The following MFSD6 variants were observed in gnomAD, a reference collection of about 807,000 sequenced individuals.
The protein encoded by MFSD6 is major facilitator superfamily domain containing 6.
In MFSD6, 26 loss-of-function variants were observed where a neutral mutation model predicts 56.3. That is an observed-to-expected ratio of 0.46 (90% CI 0.34 to 0.64). The LOEUF (loss-of-function observed/expected upper bound fraction) is 0.64. MFSD6 is among the 30% of genes least tolerant of loss of function. MFSD6 has a pLI of 0.01. For missense variants in MFSD6, 750 were observed against 986.2 expected (o/e 0.76, Z 3.21); for synonymous variants, 331 against 366.9 (o/e 0.90, Z 1.12).
At chr2:190,448,247 C>CT (rs1436459934) in intron 3 of MFSD6, among the ~76,000 whole-genome samples, 1 of 152,210 alleles carries the variant, frequency 6.6e-6, no homozygotes, top group East Asian at 1.9e-4. Context: ...ACCAATTTAG[C>CT]ACTCTATGCT....
rs1686096191 is a variant in MFSD6 at position 190,434,177 on chromosome 2, T to C, written c.-53-1800T>C. Reference sequence around the variant, plus strand: ...GCCTGGGTGACAGAGTAAGACCCTGTCTCTCAAAAAAAAAAAAAGAAAAAA... The same window carrying C: ...GCCTGGGTGACAGAGTAAGACCCTGCCTCTCAAAAAAAAAAAAAGAAAAAA... On this transcript the variant is annotated intron_variant, in intron 2 of 7. Coordinates refer to ENST00000392328, the MANE Select transcript of MFSD6 (RefSeq NM_017694.4). This position sits in a 1 kb window ranked among gnomAD's most constrained non-coding sequence, Gnocchi z 4.3. 9.2e-6 allele frequency among the ~76,000 whole-genome samples: 1 copy of C among 108,542 alleles called. No homozygotes were observed. The highest frequency in any genetic ancestry group is 1.1e-4 in the Admixed American group (1 of 9,288). The allele number at this position is 108,542 out of a possible 152,430, so 71.2% of individuals were successfully genotyped here.
In MFSD6 at chr2:190,438,239, G is replaced by A. The variant is rs1404898087; in HGVS notation, c.1532+678G>A. Among the ~76,000 whole-genome samples, 15 of 152,036 alleles carry A rather than the reference G, an allele frequency of 9.9e-5. No homozygotes were observed. The highest frequency in any genetic ancestry group is 8.5e-4 in the Admixed American group (13 of 15,260). On this transcript the variant is annotated intron_variant, in intron 3 of 7. Transcript: ENST00000392328. The surrounding 1 kb of genome is among the most constrained non-coding windows in gnomAD (Gnocchi z 5.2). Reference sequence around the variant, plus strand: ...ATAAAAAAAAAAATCTATAGGCTGGGCACAGTGGCTCACACCTGCTAATCC... The same window carrying A: ...ATAAAAAAAAAAATCTATAGGCTGGACACAGTGGCTCACACCTGCTAATCC...
upstream of MFSD6, among the ~76,000 whole-genome samples, chr2:190,407,697 C>A (rs1208399936): frequency 1.3e-5 from 2 of 152,130 alleles, no homozygotes; most frequent in African/African-American, 4.8e-5. This position sits in a 1 kb window ranked among gnomAD's most constrained non-coding sequence, Gnocchi z 5.4. Context: ...CAGCAAGATG[C>A]CAGTAGCAGC....
intron 3 of MFSD6, among the ~76,000 whole-genome samples, chr2:190,442,088 A>G (rs1686401492): frequency 6.6e-6 from 1 of 152,202 alleles, no homozygotes; most frequent in African/African-American, 2.4e-5. Context: ...CTTTTTCCCC[A>G]TTCTGATTCC....
At chr2:190,420,007 T>C (rs142583819) in intron 2 of MFSD6, among the ~76,000 whole-genome samples, 1 of 152,356 alleles carries the variant, frequency 6.6e-6, no homozygotes, top group Admixed American at 6.5e-5. Context: ...GAAAAGATCA[T>C]AAAGTTAATT....
chr2:190,474,280 G>C (rs1427440383), intron 4 of MFSD6, among the ~76,000 whole-genome samples: 2 of 152,066 alleles, frequency 1.3e-5, no homozygotes, highest in Non-Finnish European at 2.9e-5. Context: ...TCCAGGAGCT[G>C]GTTTTTTGAA....
At chr2:190,478,167 G>A (rs759793867) in intron 4 of MFSD6, among the ~76,000 whole-genome samples, 3 of 152,158 alleles carry the variant, frequency 2.0e-5, no homozygotes, top group Admixed American at 1.3e-4. Flanking sequence ...CCTAGGGCAG[G>A]CTACGATACA....
chr2:190,432,276 C>T (rs1379517728), intron 2 of MFSD6, among the ~76,000 whole-genome samples: 1 of 152,220 alleles, frequency 6.6e-6, no homozygotes, highest in South Asian at 2.1e-4. Context: ...CTCTGGGAAC[C>T]TCCTGAAGAA....
rs1371156266 is a variant in MFSD6, at chr2:190,456,270, C to T, written c.1533-13488C>T. On this transcript the variant is annotated intron_variant, in intron 3 of 7. Coordinates refer to ENST00000392328, the MANE Select transcript of MFSD6 (RefSeq NM_017694.4). This position sits in a 1 kb window ranked among gnomAD's most constrained non-coding sequence, Gnocchi z 5.4. ...CTACTTTTTTCCTTACTTGAAAAAT[C>T]CATGACTTAAATTTCACTTCAGACA... 6.6e-6 allele frequency among the ~76,000 whole-genome samples: 1 copy of T among 152,046 alleles called. No individual in the cohort carries two copies. The highest frequency in any genetic ancestry group is 1.9e-4 in the East Asian group (1 of 5,186).
At chr2:190,430,404 A>C (rs1685931139) in intron 2 of MFSD6, among the ~76,000 whole-genome samples, 1 of 150,048 alleles carries the variant, frequency 6.7e-6, no homozygotes, top group African/African-American at 2.5e-5. Flanking sequence ...AGTGGTGATG[A>C]CTCTTAAGGA....
rs1689434227 is a variant in MFSD6, at chr2:190,492,804, C to T, written c.1891+2938C>T. Among the ~76,000 whole-genome samples the T allele has an allele frequency of 6.6e-6, 1 of 152,000 alleles. No individual in the cohort carries two copies. The highest frequency in any genetic ancestry group is 1.5e-5 in the Non-Finnish European group (1 of 67,976). The stretch of plus-strand genomic sequence containing the variant: ...TCCAAGAACTACCAAGCCAGCACTC[C>T]AAGAACTACCAAGCCAGAACTACAA... On this transcript the variant is annotated intron_variant, in intron 6 of 7. Coordinates refer to ENST00000392328, the MANE Select transcript of MFSD6 (RefSeq NM_017694.4). The surrounding 1 kb of genome is among the most constrained non-coding windows in gnomAD (Gnocchi z 5.2).
chr2:190,448,291 A>C (rs1270795894), intron 3 of MFSD6, among the ~76,000 whole-genome samples: 1 of 152,176 alleles, frequency 6.6e-6, no homozygotes, highest in Non-Finnish European at 1.5e-5. Context: ...ATGGCCTAAA[A>C]ATTACATTTT....
At position 190,439,778 on chromosome 2, in the gene MFSD6, T is replaced by C. The variant is rs532931064; in HGVS notation, c.1532+2217T>C. On this transcript the variant is annotated intron_variant, in intron 3 of 7. Transcript: ENST00000392328. This position sits in a 1 kb window ranked among gnomAD's most constrained non-coding sequence, Gnocchi z 5.8. ...GGAATTCCATCAGTATGTGGTCATT[T>C]ACCTGTTTTGAATTTTCATTCTGTC... is the stretch of plus-strand genomic sequence containing the variant. 2.0e-5 allele frequency among the ~76,000 whole-genome samples: 3 copies of C among 152,260 alleles called. No individual in the cohort carries two copies. Among genetic ancestry groups the C allele is most frequent in the African/African-American group, 7.2e-5 (3 of 41,470 alleles).
Position 190,462,104 on chromosome 2 carries a change from C to T in MFSD6, c.1533-7654C>T, listed in dbSNP as rs568335860. Reference sequence around the variant, plus strand: ...GCAGATTTCCAGGATAATCATTGTTCGTGATTTGCTGTCTGTCTCCTTCTT... The same window carrying T: ...GCAGATTTCCAGGATAATCATTGTTTGTGATTTGCTGTCTGTCTCCTTCTT... On this transcript the variant is annotated intron_variant, in intron 3 of 7. Coordinates refer to ENST00000392328, the MANE Select transcript of MFSD6 (RefSeq NM_017694.4). The surrounding 1 kb of genome is among the most constrained non-coding windows in gnomAD (Gnocchi z 5.7). 2.0e-5 allele frequency among the ~76,000 whole-genome samples: 3 copies of T among 152,046 alleles called. No homozygotes were observed. The highest frequency in any genetic ancestry group is 6.5e-5 in the Admixed American group (1 of 15,274).
In MFSD6 at chr2:190,467,974, T is replaced by C. The variant is rs1687694475; in HGVS notation, c.1533-1784T>C. Among the ~76,000 whole-genome samples the C allele has an allele frequency of 6.6e-6, 1 of 152,176 alleles. No individual in the cohort carries two copies. The highest frequency in any genetic ancestry group is 1.5e-5 in the Non-Finnish European group (1 of 68,032). ...TAATGTGTGGTCCTTTATAGAAAAG[T>C]GTTTGCTGACCCCTGAGTTAGGGTA... On this transcript the variant is annotated intron_variant, in intron 3 of 7. Transcript: ENST00000392328. This position sits in a 1 kb window ranked among gnomAD's most constrained non-coding sequence, Gnocchi z 5.5.
At chr2:190,470,251 ATTATT>A (rs1189556251) in intron 4 of MFSD6, among the ~76,000 whole-genome samples, 1 of 152,212 alleles carries the variant, frequency 6.6e-6, no homozygotes, top group Non-Finnish European at 1.5e-5. Context: ...TGTTGTCATA[ATTATT>A]TTATCTCTTC....
intron 3 of MFSD6, among the ~76,000 whole-genome samples, chr2:190,452,463 T>C (rs925738828): frequency 5.3e-5 from 8 of 152,222 alleles, no homozygotes; most frequent in African/African-American, 1.9e-4. Flanking sequence ...TAGGCATTGT[T>C]ATGTCCATTT....
rs997329680 is a variant in MFSD6 at position 190,497,299 on chromosome 2, T to C, written c.1892-140T>C. On this transcript the variant is annotated intron_variant, in intron 6 of 7. Transcript: ENST00000392328. This position sits in a 1 kb window ranked among gnomAD's most constrained non-coding sequence, Gnocchi z 5.2. ...GTACTTACACCAAGTAATGAAGTCA[T>C]TGGTAACCAGCAATTTATTAATATT... is the stretch of plus-strand genomic sequence containing the variant. 4.3e-6 allele frequency: 4 copies of C among 923,628 alleles called. No individual in the cohort carries two copies. The highest frequency in any genetic ancestry group is 6.4e-6 in the Non-Finnish European group (4 of 627,782). The allele number at this position is 923,628 out of a possible 1,614,324, so 57.2% of individuals were successfully genotyped here. A position where few individuals can be genotyped will look rare whatever the true frequency, so the allele number is the denominator to read the frequency against.
At chr2:190,440,821 A>G (rs58433478) in intron 3 of MFSD6, among the ~76,000 whole-genome samples, 21,276 of 152,220 alleles carry the variant, frequency 0.14, 1,706 homozygotes, top group Middle Eastern at 0.22. Context: ...CAAAATATAC[A>G]AATGAACTAG....
Sources: gnomAD v4.1 joint callset for allele counts (sites outside exome capture counted in the v4.1 genomes callset) on GRCh38, gnomAD v4.1.1 for gene constraint, Gnocchi (gnomAD v3.1) non-coding constraint, MANE v1.5 for transcripts, NCBI Gene and HGNC (gene_info 2026-07-23, HGNC 2026-07-21) for gene names.